FGFR1: variants seen among roughly 807,000 people sequenced by gnomAD.
The protein encoded by FGFR1 is fibroblast growth factor receptor 1, also known as FGFR1/PLAG1 fusion.
FGFR1 carries 18 observed loss-of-function variants against 93.7 expected under a neutral mutation model. The ratio of observed to expected loss-of-function variants is 0.19; its 90% CI spans 0.13 to 0.28. FGFR1 has a LOEUF of 0.28. FGFR1 is among the 10% of genes least tolerant of loss of function. FGFR1 has a pLI of 1.00. For missense variants in FGFR1, 731 were observed against 1,080.4 expected, an observed-to-expected ratio of 0.68 and a Z score of 4.53; for synonymous variants, 448 against 429.3, an observed-to-expected ratio of 1.04 and a Z score of -0.54.
chr8:38,442,523 A>G (rs1361963158), intron 2 of FGFR1, among the ~76,000 whole-genome samples: 2 of 152,002 alleles, frequency 1.3e-5, no homozygotes, highest in African/African-American at 4.8e-5. Flanking sequence ...TAATGGAAAG[A>G]TCATTAAGAG....
At chr8:38,418,502 C>A in intron 9 of FGFR1, 129 bp from the exon 10 acceptor site, 2 of 1,174,962 alleles carry the variant, frequency 1.7e-6, no homozygotes, top group South Asian at 1.4e-5. Flanking sequence ...TTCCTCAACA[C>A]AGAGTGGTCC....
rs1822032550 is a variant in FGFR1 at position 38,429,434 on chromosome 8, C to T, written c.358+248G>A. ...ACAGGGTCTTAACATCCCAAGAGCC[C>T]TGGCAATCACCTCCGAGGTGTGTCC... On this transcript the variant is annotated intron_variant, in intron 3 of 17. Transcript: ENST00000447712. The surrounding 1 kb of genome is among the most constrained non-coding windows in gnomAD (Gnocchi z 4.4). 1.4e-6 allele frequency: 1 copy of T among 700,238 alleles called. No individual in the cohort carries two copies. Among genetic ancestry groups the T allele is most frequent in the East Asian group, 2.7e-5 (1 of 36,862 alleles). 43.4% of individuals were successfully genotyped at this position (700,238 alleles called of 1,614,324 possible). A position where few individuals can be genotyped will look rare whatever the true frequency, so the allele number is the denominator to read the frequency against.
At chr8:38,454,221 A>C (rs1586713958) in intron 2 of FGFR1, among the ~76,000 whole-genome samples, 4 of 139,674 alleles carry the variant, frequency 2.9e-5, no homozygotes, top group East Asian at 2.1e-4. Flanking sequence ...TAGCACCCCC[A>C]CCCTGGCCCT....
At chr8:38,441,018 G>A (rs1005657327) in intron 2 of FGFR1, among the ~76,000 whole-genome samples, 6 of 152,026 alleles carry the variant, frequency 3.9e-5, no homozygotes, top group African/African-American at 1.2e-4. Context: ...GTGCCGAGCC[G>A]CCTGCACTAG....
At chr8:38,433,303 G>A (rs1235244211) in intron 2 of FGFR1, among the ~76,000 whole-genome samples, 4 of 152,030 alleles carry the variant, frequency 2.6e-5, no homozygotes, top group Admixed American at 6.6e-5. Context: ...GCCACTGGAC[G>A]GGATGACAAA....
intron 2 of FGFR1, chr8:38,440,519 A>G: frequency 1.8e-6 from 1 of 562,044 alleles, no homozygotes; most frequent in Non-Finnish European, 3.0e-6. Context: ...GCAGGGCCTG[A>G]CACCCAGGGC....
At position 38,414,144 on chromosome 8, in the gene FGFR1, G is replaced by A. The variant is rs372639138; in HGVS notation, c.2186+8C>T. 47 of 1,614,098 alleles carry A rather than the reference G, an allele frequency of 2.9e-5. No individual in the cohort carries two copies. Among genetic ancestry groups the A allele is most frequent in the African/African-American group, 2.8e-4 (21 of 75,018 alleles). ...GGCTCAGGGCCTCCGACATCTCCTC[G>A]GGCTTACAGCTCGTTGGTGCAGTTA... On this transcript the variant is annotated splice_region_variant and intron_variant, in intron 16 of 17. Coordinates refer to ENST00000447712, the MANE Select transcript of FGFR1 (RefSeq NM_023110.3).
chr8:38,439,651 C>T (rs1378305773), intron 2 of FGFR1, among the ~76,000 whole-genome samples: 1 of 152,160 alleles, frequency 6.6e-6, no homozygotes, highest in Non-Finnish European at 1.5e-5. Flanking sequence ...CCCAGTTCCA[C>T]CTCCCCAGTG....
rs1586232012 is a variant in FGFR1 at position 38,421,557 on chromosome 8, G to A, written c.1081+240C>T. 8.5e-6 allele frequency: 5 copies of A among 584,860 alleles called. No individual in the cohort carries two copies. In the East Asian group the frequency reaches 1.5e-4, roughly 17 times the overall value. 36.2% of individuals were successfully genotyped at this position (584,860 alleles called of 1,614,324 possible). On this transcript the variant is annotated intron_variant, in intron 8 of 17. Transcript: ENST00000447712. ...TCCCGGGCATGCATTGCAATGGCCA[G>A]GGGGAGAGCAGAGGCAGGTGTACGG... is the stretch of plus-strand genomic sequence containing the variant.
chr8:38,444,143 T>C (rs1173770666), intron 2 of FGFR1, among the ~76,000 whole-genome samples: 1 of 151,430 alleles, frequency 6.6e-6, no homozygotes, highest in Non-Finnish European at 1.5e-5. Flanking sequence ...GGCAAAAAAG[T>C]TGATGATCCT....
chr8:38,452,532 T>C (rs1166195015), intron 2 of FGFR1, among the ~76,000 whole-genome samples: 1 of 152,124 alleles, frequency 6.6e-6, no homozygotes, highest in African/African-American at 2.4e-5. Flanking sequence ...ACCCAGCTAA[T>C]TTTTAAAATT....
rs1814499226 is a variant in FGFR1 at position 38,411,807 on chromosome 8, G to C, written c.*1821C>G. 1.7e-5 allele frequency: 4 copies of C among 229,716 alleles called. No homozygotes were observed. The Admixed American group carries it at 2.3e-4, about 13-fold the overall frequency. 14.2% of individuals were successfully genotyped at this position (229,716 alleles called of 1,614,324 possible). On this transcript the variant is annotated 3_prime_UTR_variant, in exon 18 of 18. Coordinates refer to ENST00000447712, the MANE Select transcript of FGFR1 (RefSeq NM_023110.3). Reference sequence around the variant, plus strand: ...TTCGGAGAATTTTCCCCCCGTTCCTGAGGGACAGGATGGAGTTTGGACAGG... The same window carrying C: ...TTCGGAGAATTTTCCCCCCGTTCCTCAGGGACAGGATGGAGTTTGGACAGG...
intron 1 of FGFR1, chr8:38,465,428 G>C (rs557826717): frequency 3.4e-5 from 8 of 232,108 alleles, no homozygotes; most frequent in Non-Finnish European, 6.8e-5. Flanking sequence ...ATGACTAAGA[G>C]TAAATGCAAC....
intron 1 of FGFR1, among the ~76,000 whole-genome samples, chr8:38,462,273 A>G (rs1834557414): frequency 6.6e-6 from 1 of 152,160 alleles, no homozygotes; most frequent in South Asian, 2.1e-4. Context: ...TGGGAGGCTG[A>G]GGTGGGCAAA....
intron 2 of FGFR1, among the ~76,000 whole-genome samples, chr8:38,431,892 TGGTTTTGCCAAACGAAGG>T (rs1257854163): frequency 1.3e-5 from 2 of 152,228 alleles, no homozygotes; most frequent in Admixed American, 1.3e-4. Flanking sequence ...TAATGGTCTG[TGGTTTTGCCAAACGAAGG>T]TAAGGAGAAA....
intron 2 of FGFR1, among the ~76,000 whole-genome samples, chr8:38,443,127 T>G (rs1586587267): frequency 6.6e-6 from 1 of 151,864 alleles, no homozygotes; most frequent in South Asian, 2.1e-4. Flanking sequence ...GTTGAACAGG[T>G]AAGGTGTCAG....
chr8:38,462,429 G>A (rs1014505688), intron 1 of FGFR1, among the ~76,000 whole-genome samples: 3 of 151,882 alleles, frequency 2.0e-5, no homozygotes, highest in South Asian at 2.1e-4. Context: ...GCTTGAACCC[G>A]GGAGGCAGAG....
chr8:38,448,500 T>C (rs1830085501), intron 2 of FGFR1, among the ~76,000 whole-genome samples: 1 of 152,152 alleles, frequency 6.6e-6, no homozygotes, highest in Non-Finnish European at 1.5e-5. Context: ...GTGCTGGGAT[T>C]ACAGGAGTGA....
At chr8:38,444,607 G>GT (rs1413677295) in intron 2 of FGFR1, among the ~76,000 whole-genome samples, 2 of 142,010 alleles carry the variant, frequency 1.4e-5, no homozygotes, top group Admixed American at 1.6e-4. Context: ...GGCCAGGCTG[G>GT]TCTTGAACTC....
Sources: gnomAD v4.1 joint callset for allele counts (sites outside exome capture counted in the v4.1 genomes callset) on GRCh38, gnomAD v4.1.1 for gene constraint, Gnocchi (gnomAD v3.1) non-coding constraint, MANE v1.5 for transcripts, NCBI Gene and HGNC (gene_info 2026-07-23, HGNC 2026-07-21) for gene names.